Variants in ERCC2 observed in about 807,000 individuals in gnomAD.
ERCC2 encodes the protein general transcription and DNA repair factor IIH helicase subunit XPD.
In ERCC2, 90 loss-of-function variants were observed where a neutral mutation model predicts 99.4. The observed-to-expected ratio is 0.91, with a 90% CI of 0.76 to 1.08. The LOEUF (loss-of-function observed/expected upper bound fraction) is 1.08, where lower values mean the gene tolerates loss of function less well. Ranked by LOEUF, ERCC2 falls within the 50% of genes least tolerant of loss-of-function variation. The probability of loss-of-function intolerance (pLI) is 0.00; values close to 1 mark genes in which losing one functional copy is unlikely to be tolerated. For missense variants in ERCC2, 993 were observed against 1,038.1 expected (o/e 0.96, Z 0.60); for synonymous variants, 497 against 432.4 (o/e 1.15, Z -1.85).
At chr19:45,367,482 A>G (rs1042111095) in intron 5 of ERCC2, among the ~76,000 whole-genome samples, 2 of 152,202 alleles carry the variant, frequency 1.3e-5, no homozygotes, top group Admixed American at 6.6e-5. Context: ...ACCACATGTA[A>G]AGTATTCAGA....
intron 22 of ERCC2, among the ~76,000 whole-genome samples, chr19:45,351,984 C>CCAA (rs1971810725): frequency 3.3e-5 from 5 of 152,338 alleles, no homozygotes; most frequent in Admixed American, 3.3e-4. Context: ...CCTCCTCACC[C>CCAA]CAACTTCTCT....
At chr19:45,367,703 G>A (rs187633937) in intron 5 of ERCC2, among the ~76,000 whole-genome samples, 12 of 151,742 alleles carry the variant, frequency 7.9e-5, no homozygotes, top group Admixed American at 6.6e-4. Context: ...CAGTAGAGAC[G>A]GGGTTTCTCC....
In ERCC2 at chr19:45,367,364, TATATACACACAC is replaced by T. The variant is rs1329661239; in HGVS notation, c.360+1254_360+1265del. Reference sequence around the variant, plus strand: ...ACAAAACAAAACAAAAATATATATATATATACACACACACACACACACACACACACACACACA... The same window carrying T: ...ACAAAACAAAACAAAAATATATATATACACACACACACACACACACACACA... On this transcript the variant is annotated intron_variant, in intron 5 of 22. Coordinates refer to ENST00000391945, the MANE Select transcript of ERCC2 (RefSeq NM_000400.4). 7.2e-3 allele frequency among the ~76,000 whole-genome samples: 733 copies of T among 102,262 alleles called. 9 individuals are homozygous for T. Among genetic ancestry groups the T allele is most frequent in the African/African-American group, 0.018 (673 of 37,126 alleles). The allele number at this position is 102,262 out of a possible 152,430, so 67.1% of individuals were successfully genotyped here.
In ERCC2 at chr19:45,364,457, C is replaced by A. The variant is rs1440197696; in HGVS notation, c.685G>T (p.Ala229Ser). Residue 229 changes from alanine to serine, a missense_variant, in exon 8 of 23, where the codon GCC (alanine) becomes TCC (serine). Physicochemically the swap from Ala to Ser is moderately conservative, Grantham distance 99. Coordinates refer to ENST00000391945, the MANE Select transcript of ERCC2 (RefSeq NM_000400.4). ...DLVSKELARK[A>S]VVVFDEAHNI... ...TGGGCCTCGTCGAAGACCACGACGG[C>A]CTTGCGGGCCAGTTCCTTGGACACC... 6.2e-7 allele frequency: 1 copy of A among 1,613,894 alleles called. No homozygotes were observed. Among genetic ancestry groups the A allele is most frequent in the Non-Finnish European group, 8.5e-7 (1 of 1,180,010 alleles).
chr19:45,354,657 A>T, intron 17 of ERCC2, 73 bp downstream of exon 17: 1 of 1,589,204 alleles, frequency 6.3e-7, no homozygotes, highest in Non-Finnish European at 8.6e-7. Context: ...GTGTGAGAGG[A>T]ATGAAGCTGA....
At chr19:45,363,699 G>A (rs945862870) in intron 11 of ERCC2, 44 bp downstream of exon 11, 19 of 1,515,724 alleles carry the variant, frequency 1.3e-5, no homozygotes, top group Admixed American at 4.0e-5. Context: ...CTGCATAACC[G>A]GGACCTGCCG....
intron 5 of ERCC2, among the ~76,000 whole-genome samples, chr19:45,367,201 G>C (rs1274022886): frequency 6.6e-6 from 1 of 152,088 alleles, no homozygotes; most frequent in Non-Finnish European, 1.5e-5. Flanking sequence ...GCCGGGTGTA[G>C]TGGGGCACCT....
intron 11 of ERCC2, among the ~76,000 whole-genome samples, chr19:45,363,033 C>G (rs1475194180): frequency 1.3e-5 from 2 of 152,194 alleles, no homozygotes; most frequent in Non-Finnish European, 2.9e-5. Context: ...GCTGCTCTCT[C>G]ATTAACCCAC....
In ERCC2 at chr19:45,350,747, G is replaced by C. The variant is rs776705760; in HGVS notation, c.*882C>G. On this transcript the variant is annotated 3_prime_UTR_variant, in exon 23 of 23. Transcript: ENST00000391945. ...GGCGAGGCGGCGGCAGGAGCAGCCG[G>C]GTGAGTGTTGATCAGGTCGGCAAAG... The C allele has an allele frequency of 1.9e-6, 3 of 1,608,950 alleles. No homozygotes were observed. The highest frequency in any genetic ancestry group is 1.7e-5 in the Admixed American group (1 of 59,060).
rs1218421285 is a variant in ERCC2, at chr19:45,357,699, C to A, written c.1238G>T (p.Gly413Val). 2.5e-6 allele frequency: 4 copies of A among 1,613,508 alleles called. No individual in the cohort carries two copies. The highest frequency in any genetic ancestry group is 3.4e-6 in the Non-Finnish European group (4 of 1,179,966). ...FATLVSTYAK[G>V]FTIIIEPFDD... The stretch of plus-strand genomic sequence containing the variant: ...AAAGGGCTCGATGATGATGGTGAAG[C>A]CTGCAGAGGGCAGGCAAGGAGGGGT... Residue 413 changes from glycine to valine, a missense_variant and splice_region_variant, in exon 13 of 23, where the codon GGC (glycine) becomes GTC (valine). Coordinates refer to ENST00000391945, the MANE Select transcript of ERCC2 (RefSeq NM_000400.4).
intron 12 of ERCC2, 52 bp downstream of exon 12, chr19:45,361,472 C>G (rs371230881): frequency 2.3e-6 from 3 of 1,328,132 alleles, no homozygotes; most frequent in African/African-American, 1.4e-5. Context: ...CTGCTGGGAC[C>G]CTGATTCCAG....
At chr19:45,360,247 ACTT>A (rs1396017127) in intron 12 of ERCC2, among the ~76,000 whole-genome samples, 1 of 151,016 alleles carries the variant, frequency 6.6e-6, no homozygotes, top group African/African-American at 2.4e-5. Context: ...CGCCCAGCTA[ACTT>A]TTTTTGTATT....
At position 45,354,792 on chromosome 19, in the gene ERCC2, T is replaced by TGCC; in HGVS notation, c.1600_1602dup (p.Gly534dup). 6.2e-7 allele frequency: 1 copy of TGCC among 1,614,134 alleles called. No individual in the cohort carries two copies. The highest frequency in any genetic ancestry group is 8.5e-7 in the Non-Finnish European group (1 of 1,179,996). ...TGGTAGCTGGTGAAGAAGGCCACGATGCCATCAGGGACCACAGCGGACATC... is the reference window on the plus strand; with the variant it reads ...TGGTAGCTGGTGAAGAAGGCCACGATGCCGCCATCAGGGACCACAGCGGACATC... On this transcript the variant is annotated inframe_insertion, in exon 17 of 23. Coordinates refer to ENST00000391945, the MANE Select transcript of ERCC2 (RefSeq NM_000400.4).
At chr19:45,361,206 G>A (rs1972207474) in intron 12 of ERCC2, among the ~76,000 whole-genome samples, 1 of 151,246 alleles carries the variant, frequency 6.6e-6, no homozygotes. Context: ...AGTGCCCTCA[G>A]GAGCACAAAG....
Position 45,352,560 on chromosome 19 carries a change from C to G in ERCC2, c.1992G>C (p.Val664=), listed in dbSNP as rs139110854. The change falls in exon 21 of 23, where the codon GTG becomes GTC. Residue 664 remains valine (V), a synonymous_variant. Transcript: ENST00000391945. ...FDAMRHAAQC[V]GRAIRGKTDY... ...CCGTCTTGCCCCTGATGGCCCGACC[C>G]ACACACTGGGCCGCGTGGCGCATGG... is the stretch of plus-strand genomic sequence containing the variant. The G allele has an allele frequency of 1.4e-5, 23 of 1,614,152 alleles. No individual in the cohort carries two copies. The African/African-American group carries it at 2.3e-4, about 16-fold the overall frequency.
At chr19:45,352,073 G>T in intron 22 of ERCC2, 136 bp downstream of exon 22, 1 of 1,052,880 alleles carries the variant, frequency 9.5e-7, no homozygotes, top group Non-Finnish European at 1.4e-6. Flanking sequence ...CTGGCACGTA[G>T]ATGCACGATA....
intron 19 of ERCC2, 80 bp downstream of exon 19, chr19:45,353,003 C>T (rs981033315): frequency 1.5e-4 from 230 of 1,484,514 alleles, no homozygotes; most frequent in South Asian, 3.6e-4. Flanking sequence ...TGGTTCCCCG[C>T]GGGAGCAGAC....
In ERCC2 at chr19:45,351,151, A is replaced by C; in HGVS notation, c.*478T>G. 1 of 1,594,020 alleles carries C rather than the reference A, an allele frequency of 6.3e-7. No individual in the cohort carries two copies. The highest frequency in any genetic ancestry group is 8.6e-7 in the Non-Finnish European group (1 of 1,169,294). Reference sequence around the variant, plus strand: ...GGTGTCAGAAGAGACCCAGGACAGGAGCAAAGATGGGTTTTACTTGGGGTA... The same window carrying C: ...GGTGTCAGAAGAGACCCAGGACAGGCGCAAAGATGGGTTTTACTTGGGGTA... On this transcript the variant is annotated 3_prime_UTR_variant, in exon 23 of 23. Transcript: ENST00000391945.
rs151301532 is a variant in ERCC2, at chr19:45,364,374, G to T, written c.719-43C>A. 6.4e-5 allele frequency: 104 copies of T among 1,613,872 alleles called. No individual in the cohort carries two copies. The African/African-American group carries it at 1.1e-3, about 18-fold the overall frequency. ...AGCCGGCTCAGGCAGGCCTGCAGGG[G>T]CCTCACTCAGAGGGGCTGGCATCCC... On this transcript the variant is annotated intron_variant, in intron 8 of 22. Transcript: ENST00000391945.
Sources: allele counts gnomAD v4.1 joint callset (sites outside exome capture counted in the v4.1 genomes callset), GRCh38; gene constraint gnomAD v4.1.1; transcripts MANE v1.5; gene names NCBI Gene and HGNC (gene_info 2026-07-23, HGNC 2026-07-21).